CDC42SE2: variants seen among roughly 807,000 people sequenced by gnomAD.
The protein encoded by CDC42SE2 is CDC42 small effector protein 2.
In CDC42SE2, 3 loss-of-function variants were observed where a neutral mutation model predicts 11.5. The ratio of observed to expected loss-of-function variants is 0.26; its 90% confidence interval spans 0.12 to 0.67. CDC42SE2 has a LOEUF of 0.67. CDC42SE2 is among the 30% of genes least tolerant of loss of function. CDC42SE2 has a pLI of 0.80. For missense variants in CDC42SE2, 82 were observed against 106.8 expected (o/e 0.77, Z 1.02); for synonymous variants, 33 against 34.8 (o/e 0.95, Z 0.18).
intron 3 of CDC42SE2, among the ~76,000 whole-genome samples, chr5:131,383,355 G>A (rs1400854216): frequency 6.6e-6 from 1 of 152,188 alleles, no homozygotes; most frequent in African/African-American, 2.4e-5. Flanking sequence ...TAACCTGCAA[G>A]TTTTATGATT....
intron 3 of CDC42SE2, among the ~76,000 whole-genome samples, chr5:131,366,564 TTTTTTTG>T (rs1749863887): frequency 6.6e-6 from 1 of 152,114 alleles, no homozygotes; most frequent in African/African-American, 2.4e-5. Flanking sequence ...TTTTTGTTTG[TTTTTTTG>T]TTTTTTTTAC....
chr5:131,291,849 T>G (rs1405106525), intron 1 of CDC42SE2, among the ~76,000 whole-genome samples: 1 of 152,176 alleles, frequency 6.6e-6, no homozygotes, highest in Non-Finnish European at 1.5e-5. Context: ...CACTTCATAA[T>G]AGACAAGGTT....
chr5:131,310,446 G>A (rs1757879434), intron 1 of CDC42SE2, among the ~76,000 whole-genome samples: 1 of 152,052 alleles, frequency 6.6e-6, no homozygotes, highest in Non-Finnish European at 1.5e-5. Context: ...GGAGAGTTCT[G>A]TAGATGTCTA....
At chr5:131,221,608 C>A in the CDC42SE2 span, among the ~76,000 whole-genome samples, 1 of 151,250 alleles carries the variant, frequency 6.6e-6, no homozygotes, top group Non-Finnish European at 1.5e-5. Context: ...AAAAAAAAAA[C>A]AAAACAAAAT....
chr5:131,333,205 C>A (rs1758464749), intron 2 of CDC42SE2, among the ~76,000 whole-genome samples: 1 of 152,174 alleles, frequency 6.6e-6, no homozygotes, highest in Non-Finnish European at 1.5e-5. Flanking sequence ...GTTTTGCCAG[C>A]ACCATTTATT....
chr5:131,350,637 G>GTGTGTGTA (rs147203202), intron 2 of CDC42SE2, among the ~76,000 whole-genome samples: 49 of 147,706 alleles, frequency 3.3e-4, no homozygotes, highest in African/African-American at 9.0e-4. Context: ...GTGTGTGTGT[G>GTGTGTGTA]TATATATATA....
intron 1 of CDC42SE2, among the ~76,000 whole-genome samples, chr5:131,312,338 T>A (rs973590043): frequency 6.6e-6 from 1 of 152,106 alleles, no homozygotes; most frequent in Admixed American, 6.6e-5. Flanking sequence ...GTGCCAGTGC[T>A]CTCTTCAAAG....
At chr5:131,343,979 A>AT (rs1301652637) in intron 2 of CDC42SE2, among the ~76,000 whole-genome samples, 2 of 152,110 alleles carry the variant, frequency 1.3e-5, no homozygotes, top group African/African-American at 2.4e-5. Flanking sequence ...TAATGGATAC[A>AT]TTTTTTATGT....
intron 2 of CDC42SE2, among the ~76,000 whole-genome samples, chr5:131,337,977 G>A (rs567128429): frequency 7.2e-5 from 11 of 152,252 alleles, no homozygotes; most frequent in East Asian, 1.9e-4. Flanking sequence ...CCCACTGTCC[G>A]GCACTCCCCA....
At chr5:131,308,022 G>C (rs1757816349) in intron 1 of CDC42SE2, among the ~76,000 whole-genome samples, 1 of 152,154 alleles carries the variant, frequency 6.6e-6, no homozygotes, top group Admixed American at 6.5e-5. Flanking sequence ...TAGGTTGCCT[G>C]TTCACTCTGA....
chr5:131,296,764 C>T (rs902261466), intron 1 of CDC42SE2, among the ~76,000 whole-genome samples: 1 of 152,118 alleles, frequency 6.6e-6, no homozygotes, highest in Non-Finnish European at 1.5e-5. Context: ...AAATTCAACC[C>T]ATAACAGAGG....
At chr5:131,370,918 G>A (rs758671889) in intron 3 of CDC42SE2, among the ~76,000 whole-genome samples, 11 of 152,074 alleles carry the variant, frequency 7.2e-5, no homozygotes, top group Non-Finnish European at 1.5e-4. Context: ...TGATTCTCAC[G>A]TGGCCTTGAT....
chr5:131,380,284 CA>C (rs1750282900), intron 3 of CDC42SE2, among the ~76,000 whole-genome samples: 1 of 152,092 alleles, frequency 6.6e-6, no homozygotes, highest in African/African-American at 2.4e-5. Context: ...TCCAGAGCCC[CA>C]AGTCCATTTG....
intron 1 of CDC42SE2, among the ~76,000 whole-genome samples, chr5:131,307,073 A>T (rs1341803781): frequency 6.6e-6 from 1 of 150,626 alleles, no homozygotes; most frequent in African/African-American, 2.4e-5. Flanking sequence ...TAATTTTTTT[A>T]TTATTATTAT....
At chr5:131,360,441 C>A (rs930193073) in intron 3 of CDC42SE2, among the ~76,000 whole-genome samples, 7 of 151,950 alleles carry the variant, frequency 4.6e-5, no homozygotes, top group African/African-American at 1.7e-4. Context: ...TTTTAAGGTG[C>A]CTAAATAAAA....
chr5:131,318,238 C>G (rs181131889), intron 2 of CDC42SE2, among the ~76,000 whole-genome samples: 32 of 152,280 alleles, frequency 2.1e-4, no homozygotes, highest in Middle Eastern at 3.4e-3. Context: ...CATGCCCAAC[C>G]AGGAGAATAA....
intron 4 of CDC42SE2, 30 bp downstream of exon 4, chr5:131,385,674 G>A (rs1750459985): frequency 7.4e-7 from 1 of 1,348,936 alleles, no homozygotes; most frequent in Non-Finnish European, 1.1e-6. Flanking sequence ...ATGCAGGTAG[G>A]GCATTGGGGC....
At chr5:131,283,161 A>C (rs1163533513) in intron 1 of CDC42SE2, among the ~76,000 whole-genome samples, 2 of 150,424 alleles carry the variant, frequency 1.3e-5, no homozygotes, top group Non-Finnish European at 3.0e-5. Context: ...TCCTGACCTC[A>C]GGTGATCTGC....
At chr5:131,327,293 G>A (rs771533233) in intron 2 of CDC42SE2, among the ~76,000 whole-genome samples, 3 of 151,976 alleles carry the variant, frequency 2.0e-5, no homozygotes, top group Admixed American at 6.6e-5. Context: ...ATTCTCATAC[G>A]TTCTTTTAAT....
Sources: gnomAD v4.1 joint callset for allele counts (sites outside exome capture counted in the v4.1 genomes callset) on GRCh38, gnomAD v4.1.1 for gene constraint, MANE v1.5 for transcripts, NCBI Gene and HGNC (gene_info 2026-07-23, HGNC 2026-07-21) for gene names.